The following GPLD1 variants were observed in gnomAD, a reference collection of about 807,000 sequenced individuals.
The protein encoded by GPLD1 is phosphatidylinositol-glycan-specific phospholipase D.
In GPLD1, 84 loss-of-function variants were observed where a neutral mutation model predicts 112.6. The observed-to-expected ratio is 0.75, with a 90% CI of 0.63 to 0.89. The LOEUF (loss-of-function observed/expected upper bound fraction) is 0.89, where lower values mean the gene tolerates loss of function less well. Among genes scored for constraint, GPLD1 ranks in the 40% least tolerant of loss-of-function variants. GPLD1 has a pLI of 0.00. For missense variants in GPLD1, 1,044 were observed against 1,051.5 expected, an observed-to-expected ratio of 0.99 and a Z score of 0.10; for synonymous variants, 386 against 403.8, an observed-to-expected ratio of 0.96 and a Z score of 0.53.
intron 3 of GPLD1, 141 bp from the exon 4 acceptor site, chr6:24,476,419 AAAG>A: frequency 1.7e-6 from 1 of 593,568 alleles, no homozygotes; most frequent in East Asian, 2.8e-5. Flanking sequence ...TCGACTTTCA[AAAG>A]AAGCCTCTAA....
intron 22 of GPLD1, 43 bp downstream of exon 22, chr6:24,436,533 T>G: frequency 6.5e-7 from 1 of 1,549,826 alleles, no homozygotes; most frequent in Non-Finnish European, 8.9e-7. Flanking sequence ...CAGCAATTAG[T>G]GATCCTTTCC....
At chr6:24,439,507 TGTTA>T (rs1762680075) in intron 20 of GPLD1, among the ~76,000 whole-genome samples, 2 of 152,254 alleles carry the variant, frequency 1.3e-5, no homozygotes, top group South Asian at 2.1e-4. Context: ...CATCACAGTC[TGTTA>T]AAGAAGAGAA....
intron 18 of GPLD1, 127 bp from the exon 19 acceptor site, chr6:24,445,958 C>A: frequency 3.0e-6 from 2 of 670,388 alleles, no homozygotes; most frequent in Non-Finnish European, 5.3e-6. Context: ...GTCTCTGCGA[C>A]CCCAGGCCTG....
intron 20 of GPLD1, among the ~76,000 whole-genome samples, chr6:24,439,700 G>A (rs1284824459): frequency 1.3e-5 from 2 of 152,156 alleles, no homozygotes; most frequent in African/African-American, 4.8e-5. Flanking sequence ...AGGTAATGTT[G>A]TAGGCATTTC....
rs576935254 is a variant in GPLD1 at position 24,467,026 on chromosome 6, C to T, written c.654-87G>A. ...TAATGAAGAAAAAGTTCCATCCACC[C>T]TTTTCCACCGTCATGCAACTGCCTT... On this transcript the variant is annotated intron_variant, in intron 8 of 24. Coordinates refer to ENST00000230036, the MANE Select transcript of GPLD1 (RefSeq NM_001503.4). 76 of 1,246,440 alleles carry T rather than the reference C, an allele frequency of 6.1e-5. 1 individual carries two copies. The African/African-American group carries it at 8.1e-4, about 13-fold the overall frequency. 77.2% of individuals were successfully genotyped at this position (1,246,440 alleles called of 1,614,324 possible).
At chr6:24,480,564 C>T (rs760566758) in intron 2 of GPLD1, among the ~76,000 whole-genome samples, 11 of 152,078 alleles carry the variant, frequency 7.2e-5, no homozygotes, top group Admixed American at 5.2e-4. Context: ...CACGTACGCA[C>T]GCACACAAAC....
At chr6:24,485,480 C>G (rs1415212485) in intron 2 of GPLD1, among the ~76,000 whole-genome samples, 1 of 136,938 alleles carries the variant, frequency 7.3e-6, no homozygotes, top group Non-Finnish European at 1.7e-5. Flanking sequence ...TAAAAAATTT[C>G]TCAAGTATTT....
In GPLD1 at chr6:24,449,434, G is replaced by A. The variant is rs575160964; in HGVS notation, c.1446+355C>T. 5.9e-5 allele frequency among the ~76,000 whole-genome samples: 9 copies of A among 152,244 alleles called. No individual in the cohort carries two copies. In the South Asian group the frequency reaches 1.9e-3, roughly 32 times the overall value. ...GCGGGGATCCACCATTTGAGGAGAG[G>A]CCCAGGGAAGTCACCTCGCTGTTGT... On this transcript the variant is annotated intron_variant, in intron 15 of 24. Transcript: ENST00000230036.
intron 20 of GPLD1, among the ~76,000 whole-genome samples, chr6:24,441,157 A>AG (rs149083477): frequency 0.22 from 33,633 of 151,216 alleles, 3,937 homozygotes; most frequent in Non-Finnish European, 0.25. Context: ...AAAAAAAAAA[A>AG]TAGCTGGGCA....
chr6:24,494,843 G>A (rs1764650733), intron 1 of GPLD1: 1 of 841,608 alleles, frequency 1.2e-6, no homozygotes, highest in South Asian at 6.1e-5. Context: ...CGGAGAGAGG[G>A]CGCTGCTCTG....
rs114754605 is a variant in GPLD1 at position 24,486,941 on chromosome 6, T to C, written c.98-811A>G. On this transcript the variant is annotated intron_variant, in intron 1 of 24. Transcript: ENST00000230036. ...AATGATCCTCAAAAGTTTTTCATCA[T>C]TGGACCAGAAGGACAAAATCATCTC... Among the ~76,000 whole-genome samples, 1,092 of 152,212 alleles carry C rather than the reference T, an allele frequency of 7.2e-3. 15 individuals are homozygous for C. Among genetic ancestry groups the C allele is most frequent in the Non-Finnish European group, 7.3e-3 (496 of 68,002 alleles).
Position 24,443,332 on chromosome 6 carries a change from C to T in GPLD1, c.2020+2214G>A, listed in dbSNP as rs541767185. 5.0e-4 allele frequency among the ~76,000 whole-genome samples: 76 copies of T among 152,240 alleles called. No individual in the cohort carries two copies. The South Asian group carries it at 7.9e-3, about 16-fold the overall frequency. ...AGCAAAAGCAGGGAGGAGGAGGTAA[C>T]GATTGGTCAGCTGCTTAATTGATCA... On this transcript the variant is annotated intron_variant, in intron 20 of 24. Transcript: ENST00000230036.
In GPLD1 at chr6:24,488,525, C is replaced by T. The variant is rs954712253; in HGVS notation, c.97+890G>A. ...TACAAATTGACTCACGTTTTCCATG[C>T]GTTAAAACATGTTACAAATACACTT... On this transcript the variant is annotated intron_variant, in intron 1 of 24. Transcript: ENST00000230036. Among the ~76,000 whole-genome samples the T allele has an allele frequency of 1.1e-4, 17 of 152,114 alleles. No individual in the cohort carries two copies. In the East Asian group the frequency reaches 1.3e-3, roughly 12 times the overall value.
intron 20 of GPLD1, among the ~76,000 whole-genome samples, chr6:24,441,850 G>C (rs1762755101): frequency 6.6e-6 from 1 of 152,028 alleles, no homozygotes; most frequent in African/African-American, 2.4e-5. Flanking sequence ...AACTGTGTGG[G>C]TGAAATACAA....
At chr6:24,476,357 G>T in intron 3 of GPLD1, 79 bp from the exon 4 acceptor site, 1 of 727,500 alleles carries the variant, frequency 1.4e-6, no homozygotes, top group Non-Finnish European at 2.4e-6. Flanking sequence ...ACCACCCGCT[G>T]CGCTGCTGTG....
chr6:24,439,007 C>A (rs1426461203), intron 20 of GPLD1, among the ~76,000 whole-genome samples: 1 of 152,198 alleles, frequency 6.6e-6, no homozygotes, highest in Non-Finnish European at 1.5e-5. Context: ...TGGTCTTGAT[C>A]TCCTGACCTC....
chr6:24,485,472 A>C (rs1764338999), intron 2 of GPLD1, among the ~76,000 whole-genome samples: 1 of 140,874 alleles, frequency 7.1e-6, no homozygotes, highest in South Asian at 2.3e-4. Context: ...GTACTGTTTA[A>C]AAAATTTCTC....
chr6:24,484,195 G>A (rs9461028), intron 2 of GPLD1, among the ~76,000 whole-genome samples: 59,079 of 151,486 alleles, frequency 0.39, 11,722 homozygotes, highest in Middle Eastern at 0.46. Context: ...GATTACTGAC[G>A]TGAGCCACCG....
At chr6:24,452,911 C>G (rs1471425034) in intron 14 of GPLD1, among the ~76,000 whole-genome samples, 1 of 152,154 alleles carries the variant, frequency 6.6e-6, no homozygotes, top group Non-Finnish European at 1.5e-5. Context: ...GGGTTCTCCC[C>G]CTAGCACTTG....
Sources: allele counts gnomAD v4.1 joint callset (sites outside exome capture counted in the v4.1 genomes callset), GRCh38; gene constraint gnomAD v4.1.1; transcripts MANE v1.5; gene names NCBI Gene and HGNC (gene_info 2026-07-23, HGNC 2026-07-21).